SMAP2: variants seen among roughly 807,000 people sequenced by gnomAD.
SMAP2 encodes the protein stromal membrane-associated protein 2.
Under a neutral mutation model 56.4 loss-of-function variants are expected in SMAP2, and 25 were observed. The ratio of observed to expected loss-of-function variants is 0.44; its 90% confidence interval spans 0.32 to 0.62. The LOEUF is 0.62. Ranked by LOEUF, SMAP2 falls within the 20% of genes least tolerant of loss-of-function variation. SMAP2 has a pLI of 0.04. For missense variants in SMAP2, 388 were observed against 545.6 expected (o/e 0.71, Z 2.88); for synonymous variants, 157 against 181.7 (o/e 0.86, Z 1.09).
chr1:40,384,883 A>G (rs192348874), intron 1 of SMAP2, among the ~76,000 whole-genome samples: 10 of 152,282 alleles, frequency 6.6e-5, no homozygotes, highest in Admixed American at 6.5e-4. Flanking sequence ...CCATCTATGC[A>G]TTTTTGAAGC....
At chr1:40,371,229 A>G (rs770092666), upstream of SMAP2, among the ~76,000 whole-genome samples, 4 of 152,200 alleles carry the variant, frequency 2.6e-5, no homozygotes, top group East Asian at 7.7e-4. Flanking sequence ...TAACATGTGC[A>G]TGATGGAACA....
At chr1:40,345,195 G>A (rs968903191) in intron 1 of SMAP2, among the ~76,000 whole-genome samples, 16 of 151,976 alleles carry the variant, frequency 1.1e-4, no homozygotes, top group Non-Finnish European at 2.2e-4. Context: ...CTTGAGACCA[G>A]GAGTTTGACA....
At chr1:40,410,310 A>G (rs1285576194) in intron 4 of SMAP2, among the ~76,000 whole-genome samples, 1 of 152,088 alleles carries the variant, frequency 6.6e-6, no homozygotes, top group South Asian at 2.1e-4. Flanking sequence ...AGGCAGAAAC[A>G]AACTTCTGCC....
At chr1:40,384,771 T>C (rs1040740080) in intron 1 of SMAP2, among the ~76,000 whole-genome samples, 3 of 152,180 alleles carry the variant, frequency 2.0e-5, no homozygotes, top group Admixed American at 1.3e-4. Context: ...TTACTATAAT[T>C]CACAGGTGTA....
At chr1:40,375,831 C>T (rs965116038) in intron 1 of SMAP2, 5 of 805,748 alleles carry the variant, frequency 6.2e-6, no homozygotes, top group Non-Finnish European at 7.5e-6. Flanking sequence ...CTAGAACCCC[C>T]CCCCCCATTT....
intron 1 of SMAP2, among the ~76,000 whole-genome samples, chr1:40,356,487 T>G (rs1157220485): frequency 6.6e-6 from 1 of 151,254 alleles, no homozygotes; most frequent in African/African-American, 2.4e-5. Context: ...CTCAGCTTAC[T>G]GCAAGCTCTG....
Position 40,408,101 on chromosome 1 carries a change from T to C in SMAP2, c.238-552T>C, listed in dbSNP as rs2124344192. ...GCTTTAGATTGTATTTATAGATGTA[T>C]TAAAGGTCTAAAAAGGTGAGTTACA... On this transcript the variant is annotated intron_variant, in intron 2 of 9. Transcript: ENST00000372718. The surrounding 1 kb of genome is among the most constrained non-coding windows in gnomAD (Gnocchi z 4.3). Among the ~76,000 whole-genome samples, 1 of 152,254 alleles carries C rather than the reference T, an allele frequency of 6.6e-6. No individual in the cohort carries two copies. The highest frequency in any genetic ancestry group is 2.1e-4 in the South Asian group (1 of 4,824).
At chr1:40,371,882 C>T (rs1193159735), upstream of SMAP2, among the ~76,000 whole-genome samples, 1 of 152,160 alleles carries the variant, frequency 6.6e-6, no homozygotes, top group Non-Finnish European at 1.5e-5. Context: ...TCATCATTCC[C>T]ATTCTATAGA....
rs755582861 is a variant in SMAP2 at position 40,385,437 on chromosome 1, G to C, written c.103+11214G>C. On this transcript the variant is annotated intron_variant, in intron 1 of 9. Transcript: ENST00000372718. The surrounding 1 kb of genome is among the most constrained non-coding windows in gnomAD (Gnocchi z 4.5). ...ATACTTTTTTAAAAAAAACATTTCA[G>C]GTCAAAGCTTCCAAAAAGAAATTTC... Among the ~76,000 whole-genome samples the C allele has an allele frequency of 3.3e-5, 5 of 152,034 alleles. No individual in the cohort carries two copies. The highest frequency in any genetic ancestry group is 5.9e-5 in the Non-Finnish European group (4 of 68,018).
intron 1 of SMAP2, among the ~76,000 whole-genome samples, chr1:40,359,277 A>G (rs901271092): frequency 1.3e-5 from 2 of 152,084 alleles, no homozygotes; most frequent in Admixed American, 1.3e-4. Context: ...TAATTTTTGT[A>G]TTTTTAGTAG....
At chr1:40,393,785 A>G (rs1644741951) in intron 1 of SMAP2, among the ~76,000 whole-genome samples, 1 of 152,110 alleles carries the variant, frequency 6.6e-6, no homozygotes, top group Non-Finnish European at 1.5e-5. Flanking sequence ...ACCTCAGGTG[A>G]TCCACCGGCC....
At chr1:40,419,210 A>G (rs974167282) in intron 9 of SMAP2, among the ~76,000 whole-genome samples, 2 of 152,024 alleles carry the variant, frequency 1.3e-5, no homozygotes, top group African/African-American at 4.8e-5. Context: ...GCTAAAAAGT[A>G]TTACTATGAA....
At chr1:40,395,628 A>G (rs537713652) in intron 1 of SMAP2, among the ~76,000 whole-genome samples, 33 of 152,208 alleles carry the variant, frequency 2.2e-4, no homozygotes, top group East Asian at 3.9e-4. Context: ...ACTATCTTTT[A>G]GAAGAGATAT....
intron 1 of SMAP2, among the ~76,000 whole-genome samples, chr1:40,380,382 G>A (rs534016982): frequency 8.8e-4 from 134 of 152,254 alleles, no homozygotes; most frequent in Non-Finnish European, 1.6e-3. Flanking sequence ...TTTTCTCATA[G>A]TTGTCTTAAG....
rs57110423 is a variant in SMAP2, at chr1:40,383,205, C to A, written c.103+8982C>A. Reference sequence around the variant, plus strand: ...CAAGGAAAATAGTGCACTGGTGTCACCAAGGGCTGGAAGTCCGAGTGGTCT... The same window carrying A: ...CAAGGAAAATAGTGCACTGGTGTCAACAAGGGCTGGAAGTCCGAGTGGTCT... On this transcript the variant is annotated intron_variant, in intron 1 of 9. Coordinates refer to ENST00000372718, the MANE Select transcript of SMAP2 (RefSeq NM_022733.3). Among the ~76,000 whole-genome samples, 3 of 152,254 alleles carry A rather than the reference C, an allele frequency of 2.0e-5. No homozygotes were observed. In the East Asian group the frequency reaches 5.8e-4, roughly 29 times the overall value.
intron 1 of SMAP2, chr1:40,375,828 C>CA: frequency 7.8e-6 from 1 of 129,004 alleles, no homozygotes; most frequent in Non-Finnish European, 9.5e-6. Flanking sequence ...TGACTAGAAC[C>CA]CCCCCCCCCA....
intron 1 of SMAP2, among the ~76,000 whole-genome samples, chr1:40,391,349 T>C (rs1311794308): frequency 6.6e-6 from 1 of 152,250 alleles, no homozygotes; most frequent in East Asian, 1.9e-4. Flanking sequence ...GGGACTTTAA[T>C]GACCATGTCA....
chr1:40,365,643 T>C (rs1181357686), intron 2 of SMAP2, among the ~76,000 whole-genome samples: 1 of 152,212 alleles, frequency 6.6e-6, no homozygotes, highest in Non-Finnish European at 1.5e-5. Context: ...CTGAGGGTCC[T>C]GTCTGTTAGA....
chr1:40,370,856 T>TAAAAA (rs57519270), upstream of SMAP2, among the ~76,000 whole-genome samples: 3 of 132,514 alleles, frequency 2.3e-5, no homozygotes, highest in African/African-American at 5.2e-5. Context: ...TAAAGTATAA[T>TAAAAA]AAAAAAAAAA....
Sources: allele counts gnomAD v4.1 joint callset (sites outside exome capture counted in the v4.1 genomes callset), GRCh38; gene constraint gnomAD v4.1.1; non-coding constraint Gnocchi (gnomAD v3.1); transcripts MANE v1.5; gene names NCBI Gene and HGNC (gene_info 2026-07-23, HGNC 2026-07-21).